Variants in RTL4 observed in about 807,000 individuals in gnomAD.
RTL4 encodes the protein retrotransposon Gag-like protein 4.
A neutral mutation model predicts 5.3 loss-of-function variants in RTL4; 4 were observed. That is an observed-to-expected ratio of 0.75 (90% confidence interval 0.37 to 1.72). The LOEUF is 1.72. Among genes scored for constraint, RTL4 ranks in the 40% most tolerant of loss-of-function variants. RTL4 has a pLI of 0.04. For synonymous variants in RTL4, 98 were observed against 87.3 expected (o/e 1.12, Z -0.68); for missense variants, 260 against 227.1 (o/e 1.14, Z -0.93).
the RTL4 span, among the ~76,000 whole-genome samples, chrX:112,332,246 G>T: frequency 1.8e-5 from 2 of 110,563 alleles, no homozygotes; most frequent in Non-Finnish European, 3.8e-5. Flanking sequence ...ACTGTAAACT[G>T]GTTCAACCAT....
At chrX:112,119,511 C>T in the RTL4 span, among the ~76,000 whole-genome samples, 1 of 111,213 alleles carries the variant, frequency 9.0e-6, no homozygotes, top group African/African-American at 3.3e-5. Flanking sequence ...ACAGGACATA[C>T]TAGCATTGGT....
At chrX:112,446,600 C>T in the RTL4 span, among the ~76,000 whole-genome samples, 1 of 112,511 alleles carries the variant, frequency 8.9e-6, no homozygotes, top group African/African-American at 3.2e-5. Flanking sequence ...GTAATCCCAG[C>T]ATTTTGGGAA....
the RTL4 span, among the ~76,000 whole-genome samples, chrX:112,255,288 T>C: frequency 8.9e-6 from 1 of 112,034 alleles, no homozygotes; most frequent in Non-Finnish European, 1.9e-5. Flanking sequence ...GCTAAGAAAT[T>C]TATGCAGGAA....
At chrX:112,349,874 G>A in the RTL4 span, among the ~76,000 whole-genome samples, 51 of 108,756 alleles carry the variant, frequency 4.7e-4, no homozygotes, top group Admixed American at 8.9e-4. Flanking sequence ...CTGCCTAATT[G>A]CCCTGGCCAG....
chrX:112,419,383 C>T, the RTL4 span, among the ~76,000 whole-genome samples: 4 of 34,801 alleles, frequency 1.1e-4, no homozygotes, highest in East Asian at 2.2e-3. Context: ...TTTTTTGAGA[C>T]GGAGTCTCAC....
At chrX:112,331,245 C>G in the RTL4 span, among the ~76,000 whole-genome samples, 1 of 106,711 alleles carries the variant, frequency 9.4e-6, no homozygotes, top group Non-Finnish European at 1.9e-5. Flanking sequence ...AGAAAATTTT[C>G]GCAACCTACT....
chrX:112,366,635 G>A, the RTL4 span, among the ~76,000 whole-genome samples: 7 of 112,157 alleles, frequency 6.2e-5, no homozygotes, highest in Non-Finnish European at 1.3e-4. Context: ...CATTCCTCAT[G>A]TGTCCCTGTC....
At chrX:112,141,644 G>C in the RTL4 span, among the ~76,000 whole-genome samples, 1 of 110,379 alleles carries the variant, frequency 9.1e-6, no homozygotes. Context: ...TAAATGCCAC[G>C]GTGTCTTGGA....
the RTL4 span, among the ~76,000 whole-genome samples, chrX:112,393,406 G>A: frequency 1.8e-5 from 2 of 110,311 alleles, no homozygotes; most frequent in African/African-American, 6.6e-5. Context: ...AAGCTGGAAT[G>A]GCTAAGTCAC....
chrX:112,341,033 G>A, the RTL4 span, among the ~76,000 whole-genome samples: 11 of 111,043 alleles, frequency 9.9e-5, no homozygotes, highest in South Asian at 4.2e-3. Flanking sequence ...AAAGCATTTT[G>A]AACACGACTA....
At chrX:112,392,589 C>G in the RTL4 span, among the ~76,000 whole-genome samples, 2 of 110,907 alleles carry the variant, frequency 1.8e-5, no homozygotes, top group Non-Finnish European at 3.8e-5. Context: ...ACAAGTTTGG[C>G]CACATTTTCA....
At chrX:112,403,454 G>A in the RTL4 span, among the ~76,000 whole-genome samples, 1 of 111,978 alleles carries the variant, frequency 8.9e-6, no homozygotes, top group Non-Finnish European at 1.9e-5. Flanking sequence ...CTAGTGGAAT[G>A]ACTGAGCATC....
chrX:112,236,416 TATCTATATATAGATATAG>T, the RTL4 span, among the ~76,000 whole-genome samples: 1 of 58,364 alleles, frequency 1.7e-5, no homozygotes. Flanking sequence ...TATAGATCTA[TATCTATATATAGATATAG>T]ATCTATATCT....
the RTL4 span, among the ~76,000 whole-genome samples, chrX:112,432,505 G>GT: frequency 1.9e-5 from 2 of 103,481 alleles, no homozygotes; most frequent in Non-Finnish European, 3.9e-5. Context: ...TTTTTCTTGT[G>GT]TTTTTTGGCT....
At chrX:112,365,453 T>G in the RTL4 span, among the ~76,000 whole-genome samples, 1 of 111,348 alleles carries the variant, frequency 9.0e-6, no homozygotes, top group African/African-American at 3.3e-5. Flanking sequence ...TTATTTCTAC[T>G]AGTGCCATTC....
At chrX:112,428,084 G>A in the RTL4 span, among the ~76,000 whole-genome samples, 2 of 111,470 alleles carry the variant, frequency 1.8e-5, no homozygotes, top group African/African-American at 6.5e-5. Context: ...CATCCAAGTT[G>A]CTGCAAAATA....
chrX:112,117,636 A>AT, the RTL4 span, among the ~76,000 whole-genome samples: 2 of 111,377 alleles, frequency 1.8e-5, no homozygotes, highest in Admixed American at 9.5e-5. Context: ...AGATAAATGT[A>AT]TTTTTTTAAA....
At chrX:112,358,365 C>T in the RTL4 span, among the ~76,000 whole-genome samples, 8 of 110,076 alleles carry the variant, frequency 7.3e-5, no homozygotes, top group East Asian at 8.6e-4. Flanking sequence ...CACTTTCAAC[C>T]GAAACTTGGA....
the RTL4 span, among the ~76,000 whole-genome samples, chrX:112,156,661 G>A: frequency 9.0e-6 from 1 of 111,709 alleles, no homozygotes; most frequent in Non-Finnish European, 1.9e-5. Flanking sequence ...AGTGGGTGGG[G>A]GTTGGTTAGT....
Sources: gnomAD v4.1 joint callset for allele counts (sites outside exome capture counted in the v4.1 genomes callset) on GRCh38, gnomAD v4.1.1 for gene constraint, MANE v1.5 for transcripts, NCBI Gene and HGNC (gene_info 2026-07-23, HGNC 2026-07-21) for gene names.